LUZP2: variants seen among roughly 807,000 people sequenced by gnomAD.
LUZP2 encodes the protein leucine zipper protein 2.
LUZP2 carries 52 observed loss-of-function variants against 51.6 expected under a neutral mutation model. The ratio of observed to expected loss-of-function variants is 1.01; its 90% CI spans 0.81 to 1.27. The LOEUF (loss-of-function observed/expected upper bound fraction) is 1.27, where lower values mean the gene tolerates loss of function less well. Ranked by LOEUF, LUZP2 falls within the 50% of genes most tolerant of loss-of-function variation. LUZP2 has a pLI of 0.00. For missense variants in LUZP2, 436 were observed against 395.4 expected (o/e 1.10, Z -0.87); for synonymous variants, 154 against 137.3 (o/e 1.12, Z -0.85).
At chr11:25,078,503 A>G (rs1172618539) in intron 11 of LUZP2, 51 bp from the exon 12 acceptor site, 1 of 1,438,430 alleles carries the variant, frequency 7.0e-7, no homozygotes, top group Non-Finnish European at 9.7e-7. Context: ...TTTTTACCTT[A>G]AAATGTGTTA....
At chr11:24,648,227 C>T (rs1035241862) in intron 1 of LUZP2, among the ~76,000 whole-genome samples, 126 of 151,944 alleles carry the variant, frequency 8.3e-4, no homozygotes, top group African/African-American at 2.8e-3. Flanking sequence ...CTACTATCGG[C>T]ACATCTATTC....
At chr11:24,531,406 C>A (rs955977630) in intron 1 of LUZP2, among the ~76,000 whole-genome samples, 15 of 150,690 alleles carry the variant, frequency 1.0e-4, no homozygotes, top group African/African-American at 3.6e-4. Context: ...GCAAATATAT[C>A]ATCTCATTTA....
At chr11:24,818,811 T>A (rs537904767) in intron 5 of LUZP2, among the ~76,000 whole-genome samples, 1 of 152,066 alleles carries the variant, frequency 6.6e-6, no homozygotes, top group Non-Finnish European at 1.5e-5. Flanking sequence ...TCTTATATAT[T>A]TTTAACTCCT....
chr11:24,841,007 C>T (rs1302108049), intron 5 of LUZP2, among the ~76,000 whole-genome samples: 1 of 151,832 alleles, frequency 6.6e-6, no homozygotes, highest in Non-Finnish European at 1.5e-5. Flanking sequence ...ATTTAATATG[C>T]TATTGTATGT....
chr11:24,991,035 A>G (rs1232578784), intron 9 of LUZP2, among the ~76,000 whole-genome samples: 1 of 151,962 alleles, frequency 6.6e-6, no homozygotes, highest in Non-Finnish European at 1.5e-5. Context: ...TAAGTTCTTT[A>G]GCAGTGATTT....
At chr11:24,794,235 C>A (rs1385500243) in intron 5 of LUZP2, among the ~76,000 whole-genome samples, 1 of 152,132 alleles carries the variant, frequency 6.6e-6, no homozygotes, top group Non-Finnish European at 1.5e-5. Flanking sequence ...TTCAAGGGTT[C>A]ATTGCACAAT....
rs374962273 is a variant in LUZP2, at chr11:24,777,080, A to T, written c.396+13772A>T. Among the ~76,000 whole-genome samples the T allele has an allele frequency of 3.4e-5, 5 of 149,156 alleles. No homozygotes were observed. In the East Asian group the frequency reaches 6.0e-4, roughly 18 times the overall value. On this transcript the variant is annotated intron_variant, in intron 5 of 11. Coordinates refer to ENST00000336930, the MANE Select transcript of LUZP2 (RefSeq NM_001009909.4). Reference sequence around the variant, plus strand: ...TGTGATCTCGGCTCACTGCAAGCTCAGCCTCCCGGGTTCATGCCATTCTCC... The same window carrying T: ...TGTGATCTCGGCTCACTGCAAGCTCTGCCTCCCGGGTTCATGCCATTCTCC...
chr11:24,528,026 T>A (rs1425408698), intron 1 of LUZP2, among the ~76,000 whole-genome samples: 1 of 151,266 alleles, frequency 6.6e-6, no homozygotes, highest in African/African-American at 2.4e-5. Context: ...CAGAGGTCTT[T>A]CTAAGTGACT....
chr11:24,647,284 G>T (rs1369030070), intron 1 of LUZP2, among the ~76,000 whole-genome samples: 7 of 151,042 alleles, frequency 4.6e-5, no homozygotes, highest in Admixed American at 4.6e-4. Flanking sequence ...AATCATTGCT[G>T]TTTTTTTTAA....
intron 5 of LUZP2, among the ~76,000 whole-genome samples, chr11:24,797,963 A>G (rs1244233539): frequency 2.0e-5 from 3 of 152,152 alleles, no homozygotes; most frequent in Admixed American, 6.6e-5. Flanking sequence ...CTGACATGAT[A>G]CTAAGAAAAA....
intron 7 of LUZP2, among the ~76,000 whole-genome samples, chr11:24,956,956 T>C (rs1391992708): frequency 2.0e-5 from 3 of 152,122 alleles, no homozygotes; most frequent in African/African-American, 7.2e-5. Context: ...ACCAACATTT[T>C]TGCTAAAGTA....
chr11:24,503,541 G>C lies in LUZP2; in HGVS notation c.62+6236G>C, dbSNP rs560899605. On this transcript the variant is annotated intron_variant, in intron 1 of 11. Transcript: ENST00000336930. Reference sequence around the variant, plus strand: ...TAGGTAGTGATTGCATTGCAATTATGTCTGAATTGTTTGGTGTTGCTTTCC... The same window carrying C: ...TAGGTAGTGATTGCATTGCAATTATCTCTGAATTGTTTGGTGTTGCTTTCC... Among the ~76,000 whole-genome samples, 3 of 152,320 alleles carry C rather than the reference G, an allele frequency of 2.0e-5. 1 individual carries two copies. In the East Asian group the frequency reaches 5.8e-4, roughly 29 times the overall value.
chr11:24,790,295 TC>T (rs1849372116), intron 5 of LUZP2, among the ~76,000 whole-genome samples: 1 of 152,186 alleles, frequency 6.6e-6, no homozygotes, highest in African/African-American at 2.4e-5. Flanking sequence ...ATACATTTTT[TC>T]TGTTTAAGAT....
At chr11:24,559,929 C>A (rs1238635236) in intron 1 of LUZP2, among the ~76,000 whole-genome samples, 1 of 152,036 alleles carries the variant, frequency 6.6e-6, no homozygotes. Context: ...ACCCTTTAGG[C>A]TGACTCTTTA....
intron 9 of LUZP2, among the ~76,000 whole-genome samples, chr11:24,986,921 C>T (rs1242145370): frequency 1.3e-5 from 2 of 151,742 alleles, no homozygotes; most frequent in Non-Finnish European, 3.0e-5. Context: ...CATAATAGAA[C>T]GTTTAAGAGG....
chr11:24,918,424 G>C, intron 7 of LUZP2, among the ~76,000 whole-genome samples: 1 of 151,940 alleles, frequency 6.6e-6, no homozygotes, highest in East Asian at 1.9e-4. Flanking sequence ...GGTTTTCAAA[G>C]GGAATGCTTC....
intron 1 of LUZP2, among the ~76,000 whole-genome samples, chr11:24,638,870 A>C (rs894572969): frequency 1.3e-5 from 2 of 151,744 alleles, no homozygotes; most frequent in African/African-American, 4.9e-5. Context: ...ATATTAACAA[A>C]GAAAAGACAA....
chr11:24,755,459 G>C (rs1859739446), intron 4 of LUZP2, among the ~76,000 whole-genome samples: 1 of 152,192 alleles, frequency 6.6e-6, no homozygotes, highest in East Asian at 1.9e-4. Context: ...TCCCCTAAAG[G>C]CCTGACTCAG....
intron 1 of LUZP2, among the ~76,000 whole-genome samples, chr11:24,555,146 T>C (rs1178303773): frequency 6.6e-6 from 1 of 151,998 alleles, no homozygotes; most frequent in Non-Finnish European, 1.5e-5. Context: ...TTTCGAGAAA[T>C]ATTTGATGAA....
Sources: allele counts gnomAD v4.1 joint callset (sites outside exome capture counted in the v4.1 genomes callset), GRCh38; gene constraint gnomAD v4.1.1; transcripts MANE v1.5; gene names NCBI Gene and HGNC (gene_info 2026-07-23, HGNC 2026-07-21).